The following TCF4 variants were observed in gnomAD, a reference collection of about 807,000 sequenced individuals.
TCF4 encodes the protein SL3-3 enhancer factor 2.
A neutral mutation model predicts 82.1 loss-of-function variants in TCF4; 3 were observed. The observed-to-expected ratio is 0.04, with a 90% CI of 0.02 to 0.09. The LOEUF is 0.09. Among genes scored for constraint, TCF4 ranks in the 10% least tolerant of loss-of-function variants. The pLI is 1.00. For synonymous variants in TCF4, 276 were observed against 309.6 expected (o/e 0.89, Z 1.14); for missense variants, 518 against 852.7 (o/e 0.61, Z 4.89).
At chr18:55,292,326 T>G (rs2065279664) in intron 8 of TCF4, among the ~76,000 whole-genome samples, 1 of 152,208 alleles carries the variant, frequency 6.6e-6, no homozygotes. Flanking sequence ...CTAACTAAAT[T>G]ACTTTGTTCA....
chr18:55,436,603 T>C (rs918647792), intron 5 of TCF4, among the ~76,000 whole-genome samples: 1 of 152,130 alleles, frequency 6.6e-6, no homozygotes, highest in African/African-American at 2.4e-5. Flanking sequence ...ATATGAAATC[T>C]AAGAGGTGAA....
At chr18:55,475,854 G>A (rs1258445681) in intron 3 of TCF4, among the ~76,000 whole-genome samples, 2 of 152,160 alleles carry the variant, frequency 1.3e-5, no homozygotes, top group Non-Finnish European at 2.9e-5. Context: ...CTGTGACCTA[G>A]GTGGGAGTGG....
At chr18:55,483,342 T>C in intron 3 of TCF4, among the ~76,000 whole-genome samples, 1 of 152,248 alleles carries the variant, frequency 6.6e-6, no homozygotes, top group East Asian at 1.9e-4. Flanking sequence ...AAGGTTAGTT[T>C]GGCACAATAC....
chr18:55,505,783 C>A (rs2958160), intron 3 of TCF4, among the ~76,000 whole-genome samples: 2 of 139,366 alleles, frequency 1.4e-5, no homozygotes, highest in East Asian at 4.2e-4. Flanking sequence ...CAGCCTGGGC[C>A]ACAGAGCGAG....
At chr18:55,318,666 C>A (rs1026844072) in intron 8 of TCF4, among the ~76,000 whole-genome samples, 11 of 152,016 alleles carry the variant, frequency 7.2e-5, no homozygotes, top group African/African-American at 2.7e-4. Context: ...CACTTCTGGA[C>A]AGGTACAGTT....
rs73957090 is a variant in TCF4, at chr18:55,261,757, G to A, written c.923-224C>T. On this transcript the variant is annotated intron_variant, in intron 11 of 19. Coordinates refer to ENST00000354452, the MANE Select transcript of TCF4 (RefSeq NM_001083962.2). ...TGACACCTTGGTTTAAAGATAAAGTGGTTTCCTTGCTATGACTTTCCCCTT... is the reference window on the plus strand; with the variant it reads ...TGACACCTTGGTTTAAAGATAAAGTAGTTTCCTTGCTATGACTTTCCCCTT... 0.032 allele frequency among the ~76,000 whole-genome samples: 4,918 copies of A among 152,228 alleles called. 256 individuals carry two copies. The highest frequency in any genetic ancestry group is 0.11 in the African/African-American group (4,662 of 41,518).
At chr18:55,322,198 G>A in intron 8 of TCF4, 1 of 1,060,936 alleles carries the variant, frequency 9.4e-7, no homozygotes, top group Admixed American at 5.4e-5. Flanking sequence ...GTGGAACAGG[G>A]TCCATTATTG....
At chr18:55,431,574 C>T (rs1350316707) in intron 5 of TCF4, among the ~76,000 whole-genome samples, 1 of 152,216 alleles carries the variant, frequency 6.6e-6, no homozygotes, top group Non-Finnish European at 1.5e-5. Context: ...ACCACCGTGG[C>T]CGGCCTCCAC....
intron 8 of TCF4, among the ~76,000 whole-genome samples, chr18:55,347,046 T>C (rs754917332): frequency 3.9e-5 from 6 of 152,154 alleles, no homozygotes; most frequent in Non-Finnish European, 5.9e-5. Flanking sequence ...TTGCAAAATA[T>C]TGAGTTTAAG....
chr18:55,602,011 T>G (rs1436293168), intron 2 of TCF4, among the ~76,000 whole-genome samples: 1 of 152,216 alleles, frequency 6.6e-6, no homozygotes, highest in East Asian at 1.9e-4. Context: ...TTTTTCTCAC[T>G]TAACGGGATG....
chr18:55,267,477 A>G (rs1468906247), intron 11 of TCF4: 2 of 152,158 alleles, frequency 1.3e-5, no homozygotes, highest in Non-Finnish European at 2.9e-5. Context: ...AGAGAACTTA[A>G]GTGTGAAAAA....
chr18:55,234,723 G>A (rs975087530), intron 15 of TCF4, 40 bp from the exon 16 acceptor site: 5 of 1,613,320 alleles, frequency 3.1e-6, no homozygotes, highest in African/African-American at 2.7e-5. Context: ...AGCAGGAACC[G>A]GAGGTGCGAC....
chr18:55,250,043 A>C (rs895307288), intron 15 of TCF4, among the ~76,000 whole-genome samples: 9 of 152,202 alleles, frequency 5.9e-5, no homozygotes, highest in African/African-American at 2.2e-4. Flanking sequence ...CAGAGAGGGA[A>C]TCATACTTGG....
intron 3 of TCF4, among the ~76,000 whole-genome samples, chr18:55,539,864 G>A (rs2097150244): frequency 6.6e-6 from 1 of 151,998 alleles, no homozygotes; most frequent in East Asian, 1.9e-4. Context: ...ATGAAAGCTA[G>A]GTAAAGTGAA....
intron 8 of TCF4, chr18:55,284,160 C>T (rs1445145213): frequency 6.6e-6 from 1 of 152,004 alleles, no homozygotes; most frequent in Non-Finnish European, 1.5e-5. Flanking sequence ...TGCGTGTAAT[C>T]CCAGCACTTT....
intron 6 of TCF4, chr18:55,401,452 T>C (rs950375193): frequency 9.9e-7 from 1 of 1,009,794 alleles, no homozygotes; most frequent in African/African-American, 1.7e-5. Flanking sequence ...GCAGTCATAG[T>C]GCTATATACA....
chr18:55,356,743 C>T (rs1046933870), intron 6 of TCF4, among the ~76,000 whole-genome samples: 1 of 152,058 alleles, frequency 6.6e-6, no homozygotes, highest in Non-Finnish European at 1.5e-5. Context: ...TTATGTTATA[C>T]TTATCAAGCG....
intron 8 of TCF4, among the ~76,000 whole-genome samples, chr18:55,308,785 C>A (rs1002284561): frequency 9.9e-5 from 15 of 152,182 alleles, no homozygotes; most frequent in African/African-American, 3.6e-4. Flanking sequence ...AATGTCAATT[C>A]TTACATCAGA....
chr18:55,380,205 T>A (rs2091643827), intron 6 of TCF4, among the ~76,000 whole-genome samples: 1 of 152,110 alleles, frequency 6.6e-6, no homozygotes, highest in Non-Finnish European at 1.5e-5. Context: ...CAGATGACCA[T>A]CTTCTCGTGG....
Sources: allele counts gnomAD v4.1 joint callset (sites outside exome capture counted in the v4.1 genomes callset), GRCh38; gene constraint gnomAD v4.1.1; transcripts MANE v1.5; gene names NCBI Gene and HGNC (gene_info 2026-07-23, HGNC 2026-07-21).